Variants in FGF2 observed in about 807,000 individuals in gnomAD.
FGF2 encodes fibroblast growth factor 2.
In FGF2, 13 loss-of-function variants were observed where a neutral mutation model predicts 15.9. The ratio of observed to expected loss-of-function variants is 0.82; its 90% CI spans 0.53 to 1.30. The LOEUF is 1.30. Ranked by LOEUF, FGF2 falls within the 50% of genes most tolerant of loss-of-function variation. The pLI is 0.00. For synonymous variants in FGF2, 90 were observed against 78.4 expected (o/e 1.15, Z -0.78); for missense variants, 163 against 196.9 (o/e 0.83, Z 1.03).
At chr4:122,872,326 G>T (rs1445617189) in intron 1 of FGF2, among the ~76,000 whole-genome samples, 1 of 151,930 alleles carries the variant, frequency 6.6e-6, no homozygotes, top group African/African-American at 2.4e-5. Flanking sequence ...GACTAGAGAA[G>T]AAAGAATGTG....
intron 1 of FGF2, among the ~76,000 whole-genome samples, chr4:122,833,650 G>T (rs984167308): frequency 1.3e-5 from 2 of 152,016 alleles, no homozygotes. Flanking sequence ...TTTACTCAGA[G>T]AGTGCTCACT....
intron 1 of FGF2, among the ~76,000 whole-genome samples, chr4:122,833,413 A>G (rs1248748507): frequency 2.6e-5 from 4 of 152,170 alleles, no homozygotes; most frequent in African/African-American, 9.7e-5. Context: ...ATTTATAATT[A>G]AGCTATACAT....
At chr4:122,859,788 C>T (rs1005260534) in intron 1 of FGF2, among the ~76,000 whole-genome samples, 1 of 152,208 alleles carries the variant, frequency 6.6e-6, no homozygotes, top group African/African-American at 2.4e-5. Flanking sequence ...ATGCATTTGA[C>T]ACCATGTTAT....
At chr4:122,837,015 G>C (rs1029288978) in intron 1 of FGF2, among the ~76,000 whole-genome samples, 1 of 152,160 alleles carries the variant, frequency 6.6e-6, no homozygotes, top group South Asian at 2.1e-4. Flanking sequence ...ACGTCAGTGT[G>C]TCTCTCTCTT....
At chr4:122,835,418 G>T (rs187816787) in intron 1 of FGF2, among the ~76,000 whole-genome samples, 44 of 151,718 alleles carry the variant, frequency 2.9e-4, no homozygotes, top group Non-Finnish European at 5.9e-4. Flanking sequence ...TATTCCTTCA[G>T]AAGATCATGT....
chr4:122,891,132 C>G (rs935742443), intron 2 of FGF2, among the ~76,000 whole-genome samples: 1 of 150,730 alleles, frequency 6.6e-6, no homozygotes, highest in African/African-American at 2.4e-5. Context: ...GCTCCGCCTC[C>G]CAGGTTCATG....
chr4:122,876,026 T>G (rs1293025656), intron 1 of FGF2, among the ~76,000 whole-genome samples: 1 of 152,178 alleles, frequency 6.6e-6, no homozygotes. Context: ...GAAACAATTC[T>G]CCGTGTGTCC....
intron 2 of FGF2, among the ~76,000 whole-genome samples, chr4:122,883,799 C>T (rs922796940): frequency 1.3e-5 from 2 of 152,042 alleles, no homozygotes; most frequent in African/African-American, 4.8e-5. Context: ...ATACCCTGAA[C>T]AAAATATTAA....
intron 2 of FGF2, among the ~76,000 whole-genome samples, chr4:122,885,913 C>CTTTTTTTTTTTTTTTTTTT (rs11310783): frequency 1.2e-5 from 1 of 84,528 alleles, no homozygotes; most frequent in African/African-American, 6.2e-5. Flanking sequence ...TTTTTTTTTC[C>CTTTTTTTTTTTTTTTTTTT]TTTTTTTTTT....
At chr4:122,852,686 C>T (rs1726259805) in intron 1 of FGF2, among the ~76,000 whole-genome samples, 1 of 152,118 alleles carries the variant, frequency 6.6e-6, no homozygotes, top group Non-Finnish European at 1.5e-5. Flanking sequence ...TTCATATTTC[C>T]AAGTTGAAAC....
intron 1 of FGF2, among the ~76,000 whole-genome samples, chr4:122,830,981 G>T (rs1725754261): frequency 6.6e-6 from 1 of 152,096 alleles, no homozygotes; most frequent in Admixed American, 6.6e-5. Context: ...TGTGGAGCAG[G>T]GGTGGCTTGT....
In FGF2 at chr4:122,892,824, G is replaced by A; in HGVS notation, c.*428G>A. ...TACATGTTTCTAAACATATAAATGT[G>A]AATTTAATCAATTCCTTTCATAGTT... On this transcript the variant is annotated 3_prime_UTR_variant, in exon 3 of 3. Coordinates refer to ENST00000644866, the MANE Select transcript of FGF2 (RefSeq NM_001361665.2). The A allele has an allele frequency of 6.3e-7, 1 of 1,585,474 alleles. No individual in the cohort carries two copies. Among genetic ancestry groups the A allele is most frequent in the Non-Finnish European group, 8.6e-7 (1 of 1,162,036 alleles).
At chr4:122,866,254 A>G (rs987578593) in intron 1 of FGF2, among the ~76,000 whole-genome samples, 4 of 152,016 alleles carry the variant, frequency 2.6e-5, no homozygotes, top group East Asian at 3.9e-4. Context: ...TGTAGTCCCA[A>G]CTACTCGGGA....
chr4:122,826,875 G>T lies in FGF2; in HGVS notation c.-300G>T. On this transcript the variant is annotated 5_prime_UTR_variant, in exon 1 of 3. Coordinates refer to ENST00000644866, the MANE Select transcript of FGF2 (RefSeq NM_001361665.2). Reference sequence around the variant, plus strand: ...TGCCCGCGGTTGCAACGGGATCCCGGGCGCTGCAGCTTGGGAGGCGGCTCT... The same window carrying T: ...TGCCCGCGGTTGCAACGGGATCCCGTGCGCTGCAGCTTGGGAGGCGGCTCT... 1 of 1,525,148 alleles carries T rather than the reference G, an allele frequency of 6.6e-7. No individual in the cohort carries two copies. The highest frequency in any genetic ancestry group is 8.8e-7 in the Non-Finnish European group (1 of 1,138,778). The allele number at this position is 1,525,148 out of a possible 1,614,324, so 94.5% of individuals were successfully genotyped here.
chr4:122,866,785 G>A (rs1191669416), intron 1 of FGF2, among the ~76,000 whole-genome samples: 1 of 152,142 alleles, frequency 6.6e-6, no homozygotes. Context: ...TTCCACAAAT[G>A]ATTAAACATA....
intron 1 of FGF2, among the ~76,000 whole-genome samples, chr4:122,856,147 T>C (rs1726337175): frequency 6.6e-6 from 1 of 152,250 alleles, no homozygotes; most frequent in Non-Finnish European, 1.5e-5. Flanking sequence ...ATTATTAGAA[T>C]AAAATCATTG....
At chr4:122,842,092 G>T (rs151218636) in intron 1 of FGF2, among the ~76,000 whole-genome samples, 23 of 152,320 alleles carry the variant, frequency 1.5e-4, no homozygotes, top group African/African-American at 5.3e-4. Flanking sequence ...TTTTCTAGAA[G>T]AAGCCTAATG....
chr4:122,830,390 G>A (rs1030176442), intron 1 of FGF2, among the ~76,000 whole-genome samples: 2 of 151,304 alleles, frequency 1.3e-5, no homozygotes, highest in African/African-American at 2.4e-5. Flanking sequence ...CAACACAAAT[G>A]TTTCCAATTT....
intron 1 of FGF2, among the ~76,000 whole-genome samples, chr4:122,834,275 C>A (rs1725821624): frequency 6.6e-6 from 1 of 152,188 alleles, no homozygotes; most frequent in African/African-American, 2.4e-5. Context: ...CTCCAGGGAC[C>A]CCTTTATACT....
Sources: allele counts gnomAD v4.1 joint callset (sites outside exome capture counted in the v4.1 genomes callset), GRCh38; gene constraint gnomAD v4.1.1; transcripts MANE v1.5; gene names NCBI Gene and HGNC (gene_info 2026-07-23, HGNC 2026-07-21).